Variants in RBM43 observed in about 807,000 individuals in gnomAD.
RBM43 encodes RNA-binding protein 43.
Under a neutral mutation model 12.4 loss-of-function variants are expected in RBM43, and 12 were observed. The ratio of observed to expected loss-of-function variants is 0.97; its 90% CI spans 0.62 to 1.57. The LOEUF is 1.57. RBM43 is among the 40% of genes most tolerant of loss of function. The pLI is 0.00. For missense variants in RBM43, 348 were observed against 400.1 expected, an observed-to-expected ratio of 0.87 and a Z score of 1.11; for synonymous variants, 138 against 145.7, an observed-to-expected ratio of 0.95 and a Z score of 0.38.
In RBM43 at chr2:151,248,977, G is replaced by A. The variant is rs1682855836; in HGVS notation, c.*1929C>T. 6.6e-6 allele frequency: 1 copy of A among 152,144 alleles called. No homozygotes were observed. Among genetic ancestry groups the A allele is most frequent in the Non-Finnish European group, 1.5e-5 (1 of 68,026 alleles). The allele number at this position is 152,144 out of a possible 1,614,324, so 9.4% of individuals were successfully genotyped here. A position where few individuals can be genotyped will look rare whatever the true frequency, so the allele number is the denominator to read the frequency against. On this transcript the variant is annotated 3_prime_UTR_variant, in exon 4 of 4. Coordinates refer to ENST00000331426, the MANE Select transcript of RBM43 (RefSeq NM_198557.3). ...AGGGGGAAAATAATTCTACCCAACA[G>A]ATCTACCAAACAAGAGGGGGAAAGA...
intron 1 of RBM43, among the ~76,000 whole-genome samples, chr2:151,260,248 C>A (rs1351745785): frequency 1.3e-5 from 2 of 151,722 alleles, no homozygotes; most frequent in Non-Finnish European, 2.9e-5. Flanking sequence ...ACCTCAGCCT[C>A]CCCAGTAGCT....
At position 151,251,673 on chromosome 2, in the gene RBM43, A is replaced by C; in HGVS notation, c.316-9T>G. ...TTTACAGAGCTGAAGATCTGAAATTAAAAAGAGAGAAATGAAAACAGTACT... is the reference window on the plus strand; with the variant it reads ...TTTACAGAGCTGAAGATCTGAAATTCAAAAGAGAGAAATGAAAACAGTACT... On this transcript the variant is annotated splice_polypyrimidine_tract_variant and intron_variant, in intron 3 of 3. Coordinates refer to ENST00000331426, the MANE Select transcript of RBM43 (RefSeq NM_198557.3). The C allele has an allele frequency of 1.9e-6, 3 of 1,598,336 alleles. No individual in the cohort carries two copies. Among genetic ancestry groups the C allele is most frequent in the Non-Finnish European group, 2.6e-6 (3 of 1,174,944 alleles).
intron 1 of RBM43, among the ~76,000 whole-genome samples, chr2:151,256,113 C>G (rs1010984465): frequency 6.6e-6 from 1 of 152,206 alleles, no homozygotes; most frequent in East Asian, 1.9e-4. Context: ...AGGTGCCCAC[C>G]ACCACACCCA....
rs62167154 is a variant in RBM43, at chr2:151,260,858, G to C, written c.3+867C>G. 4 of 193,354 alleles carry C rather than the reference G, an allele frequency of 2.1e-5. No individual in the cohort carries two copies. The East Asian group carries it at 5.0e-4, about 24-fold the overall frequency. 12.0% of individuals were successfully genotyped at this position (193,354 alleles called of 1,614,324 possible). On this transcript the variant is annotated intron_variant, in intron 1 of 3. Coordinates refer to ENST00000331426, the MANE Select transcript of RBM43 (RefSeq NM_198557.3). ...AGCCAAGACATACTAACGTGATGGCGCATTTCCTTGCATCAGTATTGTGTT... is the reference window on the plus strand; with the variant it reads ...AGCCAAGACATACTAACGTGATGGCCCATTTCCTTGCATCAGTATTGTGTT...
Position 151,252,848 on chromosome 2 carries a change from C to T in RBM43, c.222G>A (p.Glu74=). The change falls in exon 3 of 4, where the codon GAG becomes GAA. Residue 74 remains glutamate (E), a synonymous_variant. Coordinates refer to ENST00000331426, the MANE Select transcript of RBM43 (RefSeq NM_198557.3). ...AGTGTTTCTTTTGTCTGATGACATT[C>T]TCTGCAACTAAGTGGAAACACTGGC... ...YVIFKEKKVA[E]NVIRQKKHWL... 1.3e-6 allele frequency: 2 copies of T among 1,587,366 alleles called. No individual in the cohort carries two copies. The highest frequency in any genetic ancestry group is 1.7e-6 in the Non-Finnish European group (2 of 1,157,160).
chr2:151,261,269 G>C, intron 1 of RBM43: 4 of 1,550,280 alleles, frequency 2.6e-6, no homozygotes, highest in Non-Finnish European at 2.6e-6. Context: ...GTTCTTATTA[G>C]CCCTTTTCAA....
rs1683028545 is a variant in RBM43, at chr2:151,260,129, GT to G, written c.3+1595del. The stretch of plus-strand genomic sequence containing the variant: ...TCCGCTCCCCCCTCGGCCTCTCGAA[GT>G]CTTTTTTTTTTTTTAGACAGCGCCT... On this transcript the variant is annotated intron_variant, in intron 1 of 3. Coordinates refer to ENST00000331426, the MANE Select transcript of RBM43 (RefSeq NM_198557.3). Among the ~76,000 whole-genome samples the G allele has an allele frequency of 2.0e-5, 3 of 150,120 alleles. No individual in the cohort carries two copies. The South Asian group carries it at 6.3e-4, about 32-fold the overall frequency.
In RBM43 at chr2:151,249,409, G is replaced by T. The variant is rs574720342; in HGVS notation, c.*1497C>A. On this transcript the variant is annotated 3_prime_UTR_variant, in exon 4 of 4. Coordinates refer to ENST00000331426, the MANE Select transcript of RBM43 (RefSeq NM_198557.3). ...TTTTTTTTTTTTGAGACGGAGTCTC[G>T]CTCTGTCACCCAGGCTGGAGTGCAG... 8.0e-6 allele frequency: 1 copy of T among 125,200 alleles called. No homozygotes were observed. The highest frequency in any genetic ancestry group is 1.1e-4 in the Admixed American group (1 of 9,420). 7.8% of individuals were successfully genotyped at this position (125,200 alleles called of 1,614,324 possible).
In RBM43 at chr2:151,261,436, C is replaced by T. The variant is rs1350063129; in HGVS notation, c.3+289G>A. ...GGCAGTGGGTGTGGGAGGTGACAGCCTAGTCCTGAGCCTCTGGAGCGGGCC... is the reference window on the plus strand; with the variant it reads ...GGCAGTGGGTGTGGGAGGTGACAGCTTAGTCCTGAGCCTCTGGAGCGGGCC... On this transcript the variant is annotated intron_variant, in intron 1 of 3. Transcript: ENST00000331426. 5.8e-6 allele frequency: 9 copies of T among 1,550,640 alleles called. No individual in the cohort carries two copies. In the Admixed American group the frequency reaches 7.8e-5, roughly 14 times the overall value.
In RBM43 at chr2:151,255,700, G is replaced by A. The variant is rs778597217; in HGVS notation, c.47C>T (p.Thr16Met). ...NVKESKAPER[T>M]VVVAGLPVDL... ...AACTGGAAGACCAGCAACTACAACCGTTCTTTCAGGAGCTTTGGATTCCTT... is the reference window on the plus strand; with the variant it reads ...AACTGGAAGACCAGCAACTACAACCATTCTTTCAGGAGCTTTGGATTCCTT... The change falls in exon 2 of 4, where the codon ACG becomes ATG. Residue 16 changes from threonine (T) to methionine (M), a missense_variant. Thr to Met is a moderately conservative substitution (Grantham distance 81). Coordinates refer to ENST00000331426, the MANE Select transcript of RBM43 (RefSeq NM_198557.3). The A allele has an allele frequency of 1.2e-5, 20 of 1,613,678 alleles. No individual in the cohort carries two copies. The highest frequency in any genetic ancestry group is 8.9e-5 in the East Asian group (4 of 44,864).
At chr2:151,258,604 G>A (rs1417246727) in intron 1 of RBM43, among the ~76,000 whole-genome samples, 3 of 152,208 alleles carry the variant, frequency 2.0e-5, no homozygotes, top group African/African-American at 4.8e-5. Context: ...CAGAGGCGGA[G>A]ATAGGAGGAT....
chr2:151,258,827 T>C (rs188140395), intron 1 of RBM43, among the ~76,000 whole-genome samples: 16 of 152,244 alleles, frequency 1.1e-4, no homozygotes, highest in Admixed American at 9.8e-4. Context: ...AAAACTAAAG[T>C]ACTTGCATGA....
intron 1 of RBM43, among the ~76,000 whole-genome samples, chr2:151,258,163 G>T (rs1682998148): frequency 6.6e-6 from 1 of 151,928 alleles, no homozygotes; most frequent in African/African-American, 2.4e-5. Flanking sequence ...ATATGCAAAA[G>T]GGGGTTATAG....
At chr2:151,256,224 G>A (rs1311894434) in intron 1 of RBM43, among the ~76,000 whole-genome samples, 1 of 152,110 alleles carries the variant, frequency 6.6e-6, no homozygotes, top group South Asian at 2.1e-4. Context: ...GCCACTCTAA[G>A]TGCTGGGATT....
chr2:151,260,969 A>G (rs1683038326), intron 1 of RBM43: 2 of 348,240 alleles, frequency 5.7e-6, no homozygotes, highest in Non-Finnish European at 1.1e-5. Flanking sequence ...AAGAAACAGA[A>G]GATTCATTGA....
chr2:151,261,231 T>C (rs1683041343), intron 1 of RBM43: 1 of 1,539,264 alleles, frequency 6.5e-7, no homozygotes, highest in Admixed American at 2.0e-5. Flanking sequence ...TGAGGATGTC[T>C]TCCTGACTTG....
intron 2 of RBM43, among the ~76,000 whole-genome samples, chr2:151,254,145 T>C (rs1682944523): frequency 6.6e-6 from 1 of 151,660 alleles, no homozygotes; most frequent in African/African-American, 2.4e-5. Flanking sequence ...TAGATTCATT[T>C]GTTTAAAATC....
chr2:151,254,128 C>A (rs1293397018), intron 2 of RBM43, among the ~76,000 whole-genome samples: 1 of 151,904 alleles, frequency 6.6e-6, no homozygotes, highest in African/African-American at 2.4e-5. Context: ...AAGCACCAAA[C>A]ATATTATAGA....
intron 1 of RBM43, among the ~76,000 whole-genome samples, chr2:151,259,298 A>G (rs12471191): frequency 0.36 from 54,885 of 152,134 alleles, 12,093 homozygotes; most frequent in Admixed American, 0.51. Context: ...TGCTATAAAC[A>G]ATATTTACTG....
Sources: allele counts gnomAD v4.1 joint callset (sites outside exome capture counted in the v4.1 genomes callset), GRCh38; gene constraint gnomAD v4.1.1; transcripts MANE v1.5; gene names NCBI Gene and HGNC (gene_info 2026-07-23, HGNC 2026-07-21).